TEX11: variants seen among roughly 807,000 people sequenced by gnomAD.
TEX11 encodes the protein testis expressed 11, also known as testis-expressed protein 11.
TEX11 carries 7 observed loss-of-function variants against 84.4 expected under a neutral mutation model. The observed-to-expected ratio is 0.08, with a 90% CI of 0.05 to 0.16. TEX11 has a LOEUF of 0.16. TEX11 is among the 10% of genes least tolerant of loss of function. TEX11 has a pLI of 1.00. For missense variants in TEX11, 551 were observed against 660.5 expected (o/e 0.83, Z 1.82); for synonymous variants, 264 against 222.8 (o/e 1.18, Z -1.64).
chrX:70,691,031 G>A (rs184000477), intron 13 of TEX11, among the ~76,000 whole-genome samples: 1 of 112,136 alleles, frequency 8.9e-6, no homozygotes, highest in African/African-American at 3.2e-5. Context: ...CAAAGAACTT[G>A]TACAGACATT....
chrX:70,722,016 T>A (rs1035392086), intron 13 of TEX11, among the ~76,000 whole-genome samples: 1 of 111,963 alleles, frequency 8.9e-6, no homozygotes, highest in Non-Finnish European at 1.9e-5. Context: ...GTTAATGGGT[T>A]CTTAACCATA....
chrX:70,816,810 G>T (rs895860498), intron 8 of TEX11, among the ~76,000 whole-genome samples: 1 of 110,965 alleles, frequency 9.0e-6, no homozygotes, highest in African/African-American at 3.3e-5. Flanking sequence ...TGAAATAATG[G>T]TAAGGTAAAG....
intron 11 of TEX11, among the ~76,000 whole-genome samples, chrX:70,727,801 A>T (rs777174681): frequency 9.0e-6 from 1 of 110,878 alleles, no homozygotes; most frequent in African/African-American, 3.3e-5. Flanking sequence ...ATATAGAAAG[A>T]AGGTGGCCAT....
chrX:70,714,309 T>C (rs904750219), intron 13 of TEX11, among the ~76,000 whole-genome samples: 3 of 111,530 alleles, frequency 2.7e-5, no homozygotes, highest in South Asian at 7.7e-4. Context: ...CTATTAGGTC[T>C]GCTTGGTGCA....
intron 10 of TEX11, among the ~76,000 whole-genome samples, chrX:70,742,639 G>A (rs953536043): frequency 9.1e-6 from 1 of 110,203 alleles, no homozygotes; most frequent in Admixed American, 9.8e-5. Flanking sequence ...TAAGAAGGGA[G>A]GACTGCTTGA....
rs543882847 is a variant in TEX11, at chrX:70,639,594, C to T, written c.1484-9859G>A. On this transcript the variant is annotated intron_variant, in intron 17 of 29. Coordinates refer to ENST00000374333, the MANE Select transcript of TEX11 (RefSeq NM_031276.3). ...TCTGAGAACGGGCAGACTGCCTCCTCAAGTGGCTCCCTGACCCCTGACCCC... is the reference window on the plus strand; with the variant it reads ...TCTGAGAACGGGCAGACTGCCTCCTTAAGTGGCTCCCTGACCCCTGACCCC... 6.3e-3 allele frequency among the ~76,000 whole-genome samples: 704 copies of T among 111,864 alleles called. 2 individuals carry two copies. The highest frequency in any genetic ancestry group is 9.9e-3 in the Non-Finnish European group (526 of 53,124).
intron 16 of TEX11, among the ~76,000 whole-genome samples, chrX:70,669,139 T>C (rs1435237223): frequency 8.9e-6 from 1 of 112,012 alleles, no homozygotes; most frequent in African/African-American, 3.2e-5. Flanking sequence ...ACTTTGTTCA[T>C]CTCTGTAACC....
Position 70,553,342 on chromosome X carries a change from T to C in TEX11, c.2363A>G (p.Tyr788Cys). 8.3e-7 allele frequency: 1 copy of C among 1,208,019 alleles called. No individual in the cohort carries two copies. Among genetic ancestry groups the C allele is most frequent in the Non-Finnish European group, 1.1e-6 (1 of 892,988 alleles). Residue 788 changes from tyrosine (Y) to cysteine (C), a missense_variant, in exon 27 of 30, where the codon TAC (tyrosine) becomes TGC (cysteine). Transcript: ENST00000374333. The part of the protein sequence containing the change: ...LKALKKALLL[Y>C]KKEEPIDISQ... ...TATATCAATTGGTTCTTCCTTTTTG[T>C]AGAGCAATAAAGCCTTTTTCAAGGC...
chrX:70,730,492 G>A (rs371941230), intron 11 of TEX11, among the ~76,000 whole-genome samples: 1 of 111,194 alleles, frequency 9.0e-6, no homozygotes, highest in African/African-American at 3.3e-5. Flanking sequence ...ACAAAGGCAG[G>A]GGTTGCAATC....
intron 8 of TEX11, among the ~76,000 whole-genome samples, chrX:70,812,704 G>A (rs957927954): frequency 5.4e-5 from 6 of 110,862 alleles, no homozygotes; most frequent in Non-Finnish European, 9.4e-5. Context: ...CGCTAGCAAG[G>A]CTAATAAAGA....
intron 9 of TEX11, among the ~76,000 whole-genome samples, chrX:70,762,063 A>G (rs1207241810): frequency 8.9e-6 from 1 of 112,058 alleles, no homozygotes; most frequent in African/African-American, 3.2e-5. Flanking sequence ...CAGCAAAAAT[A>G]TCCTTTAAAC....
chrX:70,534,518 G>C (rs1218877301), intron 28 of TEX11, among the ~76,000 whole-genome samples: 1 of 111,961 alleles, frequency 8.9e-6, no homozygotes. Context: ...CATCCACACA[G>C]CTACTGACCT....
At chrX:70,895,314 A>G (rs2091760888) in intron 2 of TEX11, among the ~76,000 whole-genome samples, 1 of 111,758 alleles carries the variant, frequency 8.9e-6, no homozygotes. Flanking sequence ...ACAACTTACA[A>G]GGAATGTGAA....
At chrX:70,864,090 G>A (rs2091584935) in intron 4 of TEX11, among the ~76,000 whole-genome samples, 1 of 111,728 alleles carries the variant, frequency 9.0e-6, no homozygotes, top group Non-Finnish European at 1.9e-5. Context: ...TATGTGAAAA[G>A]ACCAAACGTA....
At chrX:70,636,428 C>A (rs1043480455) in intron 17 of TEX11, among the ~76,000 whole-genome samples, 3 of 110,966 alleles carry the variant, frequency 2.7e-5, no homozygotes, top group African/African-American at 9.8e-5. Context: ...GCCAGGCTAG[C>A]CCCCATGGAC....
At chrX:70,512,806 G>A in the TEX11 span, among the ~76,000 whole-genome samples, 1 of 108,535 alleles carries the variant, frequency 9.2e-6, no homozygotes, top group Non-Finnish European at 1.9e-5. Context: ...TATCGCCTTT[G>A]ATCATGTATT....
downstream of TEX11, among the ~76,000 whole-genome samples, chrX:70,524,746 A>G (rs765438225): frequency 8.9e-6 from 1 of 112,087 alleles, no homozygotes; most frequent in Admixed American, 9.4e-5. Flanking sequence ...TTGTATTTTT[A>G]GTAGAGACGG....
At chrX:70,781,530 G>T (rs1280860512) in intron 9 of TEX11, among the ~76,000 whole-genome samples, 1 of 111,707 alleles carries the variant, frequency 9.0e-6, no homozygotes, top group Non-Finnish European at 1.9e-5. Flanking sequence ...AAGCTAAGAA[G>T]CATGTTCCAA....
At chrX:70,893,981 G>A (rs781302847) in intron 2 of TEX11, among the ~76,000 whole-genome samples, 1 of 111,687 alleles carries the variant, frequency 9.0e-6, no homozygotes, top group African/African-American at 3.3e-5. Context: ...TAGAAGAAAT[G>A]GATGAATTCC....
Sources: gnomAD v4.1 joint callset for allele counts (sites outside exome capture counted in the v4.1 genomes callset) on GRCh38, gnomAD v4.1.1 for gene constraint, MANE v1.5 for transcripts, NCBI Gene and HGNC (gene_info 2026-07-23, HGNC 2026-07-21) for gene names.